The following FAM216B variants were observed in gnomAD, a reference collection of about 807,000 sequenced individuals.
FAM216B encodes the protein family with sequence similarity 216 member B.
In FAM216B, 11 loss-of-function variants were observed where a neutral mutation model predicts 12.9. The observed-to-expected ratio is 0.86, with a 90% CI of 0.54 to 1.42. The LOEUF (loss-of-function observed/expected upper bound fraction) is 1.42, where lower values mean the gene tolerates loss of function less well. FAM216B is among the 40% of genes most tolerant of loss of function. The pLI, the probability that FAM216B is intolerant of heterozygous loss-of-function variation, is 0.00. For missense variants in FAM216B, 167 were observed against 162.9 expected, an observed-to-expected ratio of 1.02 and a Z score of -0.14; for synonymous variants, 52 against 57.2, an observed-to-expected ratio of 0.91 and a Z score of 0.41.
rs539269220 is a variant in FAM216B at position 42,789,901 on chromosome 13, A to C, written c.*1111A>C. On this transcript the variant is annotated 3_prime_UTR_variant, in exon 4 of 4. Coordinates refer to ENST00000313851, the MANE Select transcript of FAM216B (RefSeq NM_001318932.2). ...TTCTCTTTGCAATCATGAACATATA[A>C]GATATAAAAATTGTCATGAGATTCT... 5 of 152,182 alleles carry C rather than the reference A, an allele frequency of 3.3e-5. No homozygotes were observed. The highest frequency in any genetic ancestry group is 7.4e-5 in the Non-Finnish European group (5 of 68,024). 9.4% of individuals were successfully genotyped at this position (152,182 alleles called of 1,614,324 possible).
chr13:42,788,951 G>A lies in FAM216B; in HGVS notation c.*161G>A. ...ATATAAATTTTGCCAGCAAGACCAA[G>A]AGGTTTAAGAGCAATGGAGCCGAGA... On this transcript the variant is annotated 3_prime_UTR_variant, in exon 4 of 4. Coordinates refer to ENST00000313851, the MANE Select transcript of FAM216B (RefSeq NM_001318932.2). The A allele has an allele frequency of 3.1e-6, 2 of 654,790 alleles. No homozygotes were observed. Among genetic ancestry groups the A allele is most frequent in the East Asian group, 2.8e-5 (1 of 35,162 alleles). 40.6% of individuals were successfully genotyped at this position (654,790 alleles called of 1,614,324 possible).
chr13:42,787,662 C>T (rs1484258377), intron 3 of FAM216B, among the ~76,000 whole-genome samples: 2 of 152,194 alleles, frequency 1.3e-5, no homozygotes, highest in Non-Finnish European at 2.9e-5. Flanking sequence ...CACTAGAGTG[C>T]TTTTTAAACA....
rs769732505 is a variant in FAM216B at position 42,788,720 on chromosome 13, C to T, written c.350C>T (p.Pro117Leu). ...ACTTCAGCCATGACAAGAAGATGTC[C>T]ATCAGTACTACCTGTATCTGTGGTT... ...RKTSAMTRRC[P>L]SVLPVSVVLP... Residue 117 changes from proline to leucine, a missense_variant, in exon 4 of 4, where the codon CCA becomes CTA. Pro to Leu is a moderately conservative substitution (Grantham distance 98). Transcript: ENST00000313851. 1.2e-6 allele frequency: 2 copies of T among 1,613,876 alleles called. No homozygotes were observed. Among genetic ancestry groups the T allele is most frequent in the East Asian group, 4.5e-5 (2 of 44,866 alleles).
At chr13:42,788,393 A>G (rs1420028293) in intron 3 of FAM216B, among the ~76,000 whole-genome samples, 198 bp from the exon 4 acceptor site, 1 of 152,180 alleles carries the variant, frequency 6.6e-6, no homozygotes, top group Non-Finnish European at 1.5e-5. Flanking sequence ...TCAACGACCA[A>G]GTGTTTATTA....
chr13:42,785,717 C>T (rs1187330733), intron 2 of FAM216B, among the ~76,000 whole-genome samples: 3 of 152,210 alleles, frequency 2.0e-5, no homozygotes, highest in African/African-American at 7.2e-5. Flanking sequence ...AAGTAGCCTT[C>T]TAAATGGTCT....
At position 42,790,602 on chromosome 13, in the gene FAM216B, C is replaced by T. The variant is rs1253151403; in HGVS notation, c.*1812C>T. ...CCTGCACTTGAGACCTTACTTGAAACTTAAAGAAATGTGATTGGTTATGGT... is the reference window on the plus strand; with the variant it reads ...CCTGCACTTGAGACCTTACTTGAAATTTAAAGAAATGTGATTGGTTATGGT... On this transcript the variant is annotated 3_prime_UTR_variant, in exon 4 of 4. Coordinates refer to ENST00000313851, the MANE Select transcript of FAM216B (RefSeq NM_001318932.2). 1.3e-5 allele frequency: 2 copies of T among 152,122 alleles called. No homozygotes were observed. The highest frequency in any genetic ancestry group is 6.6e-5 in the Admixed American group (1 of 15,262). 9.4% of individuals were successfully genotyped at this position (152,122 alleles called of 1,614,324 possible).
At chr13:42,784,569 G>C (rs1205707524) in intron 2 of FAM216B, among the ~76,000 whole-genome samples, 1 of 148,614 alleles carries the variant, frequency 6.7e-6, no homozygotes, top group Non-Finnish European at 1.5e-5. Flanking sequence ...TGTAATCCCA[G>C]CACTTTGGGA....
At position 42,786,462 on chromosome 13, in the gene FAM216B, A is replaced by G. The variant is rs9634771; in HGVS notation, c.100-301A>G. ...AGCTTATTACAACCTACTTTCCTCA[A>G]TAAGGATCAAAGAAATTATAAGATC... On this transcript the variant is annotated intron_variant, in intron 2 of 3. Transcript: ENST00000313851. 0.17 allele frequency among the ~76,000 whole-genome samples: 26,478 copies of G among 152,080 alleles called. 2,712 individuals carry two copies. The highest frequency in any genetic ancestry group is 0.32 in the East Asian group (1,670 of 5,162).
chr13:42,784,447 A>T (rs1365903001), intron 2 of FAM216B, among the ~76,000 whole-genome samples: 1 of 151,928 alleles, frequency 6.6e-6, no homozygotes, highest in Non-Finnish European at 1.5e-5. Context: ...TGGCCACACT[A>T]TGGCTCCCTG....
Position 42,788,607 on chromosome 13 carries a change from G to C in FAM216B, c.237G>C (p.Arg79=). The C allele has an allele frequency of 2.5e-6, 4 of 1,612,742 alleles. No individual in the cohort carries two copies. The highest frequency in any genetic ancestry group is 3.4e-6 in the Non-Finnish European group (4 of 1,179,318). ...TTCCCCTAGGCTATATTACTCAACG[G>C]GAAGCCTTGTCTTATGCTCTTGTAC... is the stretch of plus-strand genomic sequence containing the variant. ...HQQLLGYITQ[R]EALSYALVLR... is the part of the protein sequence containing the mutation. The change falls in exon 4 of 4, where the codon CGG becomes CGC. Residue 79 remains arginine, a synonymous_variant. Coordinates refer to ENST00000313851, the MANE Select transcript of FAM216B (RefSeq NM_001318932.2).
At chr13:42,784,193 T>TTTTC in intron 2 of FAM216B, 27 bp downstream of exon 2, 2 of 1,416,750 alleles carry the variant, frequency 1.4e-6, no homozygotes, top group East Asian at 2.4e-5. Context: ...TTTTTTTTTT[T>TTTTC]CACAGATAGA....
At chr13:42,786,644 A>AG in intron 2 of FAM216B, 119 bp from the exon 3 acceptor site, 2 of 1,356,814 alleles carry the variant, frequency 1.5e-6, no homozygotes, top group Non-Finnish European at 2.0e-6. Flanking sequence ...ATTAAAAAAA[A>AG]AAAACATATG....
At chr13:42,787,058 GT>G (rs1248798316) in intron 3 of FAM216B, among the ~76,000 whole-genome samples, 175 bp downstream of exon 3, 2 of 152,186 alleles carry the variant, frequency 1.3e-5, no homozygotes, top group East Asian at 3.8e-4. Flanking sequence ...GGAAAGCAAG[GT>G]TTTATGGGTA....
chr13:42,784,108 T>C lies in FAM216B; in HGVS notation c.41T>C (p.Val14Ala), dbSNP rs1214026615. 1.9e-6 allele frequency: 3 copies of C among 1,608,008 alleles called. No individual in the cohort carries two copies. The East Asian group carries it at 6.7e-5, about 36-fold the overall frequency. Reference sequence around the variant, plus strand: ...AAAAGACAACAAAAGCTTTGGAATGTTCCACAACTTCCTTTTATTCGAGTT... The same window carrying C: ...AAAAGACAACAAAAGCTTTGGAATGCTCCACAACTTCCTTTTATTCGAGTT... ...NWKRQQKLWN[V>A]PQLPFIRVPP... The change falls in exon 2 of 4, where the codon GTT becomes GCT. Residue 14 changes from valine to alanine, a missense_variant. Physicochemically the swap from Val to Ala is moderately conservative, Grantham distance 64. Coordinates refer to ENST00000313851, the MANE Select transcript of FAM216B (RefSeq NM_001318932.2).
chr13:42,788,532 TTTC>T lies in FAM216B; in HGVS notation c.221-56_221-54del. On this transcript the variant is annotated intron_variant, in intron 3 of 3. Transcript: ENST00000313851. ...CATAAGTAAATATTTGCAGTTTTGT[TTTC>T]TTATTTGCCTTGTAAAATTGTTGAT... The T allele has an allele frequency of 2.8e-6, 4 of 1,435,484 alleles. No homozygotes were observed. The South Asian group carries it at 4.2e-5, about 15-fold the overall frequency. The allele number at this position is 1,435,484 out of a possible 1,614,324, so 88.9% of individuals were successfully genotyped here. A position where few individuals can be genotyped will look rare whatever the true frequency, so the allele number is the denominator to read the frequency against.
rs1235694051 is a variant in FAM216B, at chr13:42,790,809, G to GT, written c.*2022dup. On this transcript the variant is annotated 3_prime_UTR_variant, in exon 4 of 4. Coordinates refer to ENST00000313851, the MANE Select transcript of FAM216B (RefSeq NM_001318932.2). The stretch of plus-strand genomic sequence containing the variant: ...ACTTAAGTCCTGGAGATCAGAGACT[G>GT]TTTCACCTGAAATTGCTAGCACCTA... The GT allele has an allele frequency of 5.9e-5, 9 of 152,294 alleles. No homozygotes were observed. The highest frequency in any genetic ancestry group is 5.2e-4 in the Admixed American group (8 of 15,304). 9.4% of individuals were successfully genotyped at this position (152,294 alleles called of 1,614,324 possible).
chr13:42,788,371 C>T (rs4941443), intron 3 of FAM216B, among the ~76,000 whole-genome samples: 98,511 of 152,006 alleles, frequency 0.65, 32,071 homozygotes, highest in African/African-American at 0.69. Context: ...TCCAAATAAT[C>T]TGACATGTTA....
intron 2 of FAM216B, among the ~76,000 whole-genome samples, chr13:42,786,486 T>A (rs1274845882): frequency 2.0e-5 from 3 of 152,170 alleles, no homozygotes; most frequent in Non-Finnish European, 2.9e-5. Flanking sequence ...AATTATAAGA[T>A]CCTGGAAATC....
Position 42,790,328 on chromosome 13 carries a change from CT to C in FAM216B, c.*1548del, listed in dbSNP as rs3831065. ...TGCTTGCCTGCACTTTTATCTTAGA[CT>C]TTTTTTTTTGATGAGCATAGGTATT... On this transcript the variant is annotated 3_prime_UTR_variant, in exon 4 of 4. Transcript: ENST00000313851. 0.8 allele frequency: 120,985 copies of C among 150,502 alleles called. 48,774 individuals carry two copies. Among genetic ancestry groups the C allele is most frequent in the African/African-American group, 0.86 (35,248 of 40,970 alleles). The allele number at this position is 150,502 out of a possible 1,614,324, so 9.3% of individuals were successfully genotyped here. A position where few individuals can be genotyped will look rare whatever the true frequency, so the allele number is the denominator to read the frequency against.
Sources: allele counts gnomAD v4.1 joint callset (sites outside exome capture counted in the v4.1 genomes callset), GRCh38; gene constraint gnomAD v4.1.1; transcripts MANE v1.5; gene names NCBI Gene and HGNC (gene_info 2026-07-23, HGNC 2026-07-21).